ADGRV1: variants seen among roughly 807,000 people sequenced by gnomAD.
The protein encoded by ADGRV1 is adhesion G protein-coupled receptor V1, also known as G-protein coupled receptor 98.
ADGRV1 carries 359 observed loss-of-function variants against 596.2 expected under a neutral mutation model. That is an observed-to-expected ratio of 0.60 (90% confidence interval 0.55 to 0.66). The LOEUF (loss-of-function observed/expected upper bound fraction) is 0.66, where lower values mean the gene tolerates loss of function less well. Ranked by LOEUF, ADGRV1 falls within the 30% of genes least tolerant of loss-of-function variation. The pLI is 0.00. For missense variants in ADGRV1, 7,274 were observed against 7,575.6 expected (o/e 0.96, Z 1.48); for synonymous variants, 2,681 against 2,679.2 (o/e 1.00, Z -0.02).
At chr5:90,944,499 C>G (rs1002670381) in intron 83 of ADGRV1, among the ~76,000 whole-genome samples, 1 of 152,096 alleles carries the variant, frequency 6.6e-6, no homozygotes, top group African/African-American at 2.4e-5. Context: ...GTTGTATATT[C>G]TGATTAAGTA....
rs758044981 is a variant in ADGRV1, at chr5:90,658,281, A to G, written c.4752+3A>G. ...TCACAGGAGCTTGTATACCAGAGGT[A>G]AGTAGTGAGCTTGGAGAATTTTGGA... On this transcript the variant is annotated splice_donor_region_variant and intron_variant, in intron 21 of 89. Transcript: ENST00000405460. 8.7e-6 allele frequency: 13 copies of G among 1,491,778 alleles called. No homozygotes were observed. The highest frequency in any genetic ancestry group is 1.2e-5 in the Non-Finnish European group (13 of 1,121,200). 92.4% of individuals were successfully genotyped at this position (1,491,778 alleles called of 1,614,324 possible). A position where few individuals can be genotyped will look rare whatever the true frequency, so the allele number is the denominator to read the frequency against.
chr5:90,834,873 CTCT>C (rs1764830366), intron 77 of ADGRV1, among the ~76,000 whole-genome samples: 1 of 150,632 alleles, frequency 6.6e-6, no homozygotes. Context: ...TTCTTTCTTT[CTCT>C]TTCTTTCTTT....
intron 87 of ADGRV1, among the ~76,000 whole-genome samples, chr5:91,110,906 G>A (rs946148382): frequency 3.3e-5 from 5 of 152,114 alleles, no homozygotes; most frequent in Admixed American, 6.6e-5. Context: ...GTACATGTTC[G>A]TTTGTACAAG....
chr5:90,933,453 A>G (rs1168683892), intron 83 of ADGRV1, among the ~76,000 whole-genome samples: 1 of 152,158 alleles, frequency 6.6e-6, no homozygotes. Flanking sequence ...CAAAGCAAAT[A>G]TAGTCCTGAG....
At chr5:90,676,545 A>G (rs1214564091) in intron 25 of ADGRV1, among the ~76,000 whole-genome samples, 1 of 152,188 alleles carries the variant, frequency 6.6e-6, no homozygotes, top group African/African-American at 2.4e-5. Flanking sequence ...TGCTTTCGCT[A>G]TGAGGTTTGG....
intron 85 of ADGRV1, among the ~76,000 whole-genome samples, chr5:91,030,325 A>G (rs1271709708): frequency 6.6e-6 from 1 of 152,170 alleles, no homozygotes; most frequent in Non-Finnish European, 1.5e-5. Flanking sequence ...CAGGTTTATA[A>G]TGATTCTTTC....
Position 90,788,325 on chromosome 5 carries a change from A to G in ADGRV1, c.13893+15A>G, listed in dbSNP as rs757814184. 6.3e-7 allele frequency: 1 copy of G among 1,577,170 alleles called. No individual in the cohort carries two copies. Among genetic ancestry groups the G allele is most frequent in the Non-Finnish European group, 8.6e-7 (1 of 1,158,998 alleles). ...TTACATTAACCGTATGTATGGCTTTATTTTTCTCACAAAATGTGGATTTCA... is the reference window on the plus strand; with the variant it reads ...TTACATTAACCGTATGTATGGCTTTGTTTTTCTCACAAAATGTGGATTTCA... On this transcript the variant is annotated intron_variant, in intron 68 of 89. Coordinates refer to ENST00000405460, the MANE Select transcript of ADGRV1 (RefSeq NM_032119.4).
Position 90,645,975 on chromosome 5 carries a change from A to G in ADGRV1, c.2906A>G (p.Glu969Gly). The change falls in exon 16 of 90, where the codon GAA (glutamate) becomes GGA (glycine). Residue 969 changes from glutamate to glycine, a missense_variant. By Grantham distance (98) the Glu-to-Gly change is moderately conservative (BLOSUM62 -2). Around this residue, in one of 5 missense-constraint regions of ADGRV1, gnomAD observed 1,715 missense variants for 1,708.8 expected, o/e 1.00. Coordinates refer to ENST00000405460, the MANE Select transcript of ADGRV1 (RefSeq NM_032119.4). ...GTGTAACATTTTCCAAAGATTCCAG[A>G]AGAAATGGAAGAATTTACCGTTATC... ...TIYSLPDEIP[E>G]EMEEFTVILL... The G allele has an allele frequency of 6.3e-7, 1 of 1,587,144 alleles. No homozygotes were observed. Among genetic ancestry groups the G allele is most frequent in the East Asian group, 2.3e-5 (1 of 44,230 alleles).
chr5:90,795,277 C>T (rs1468139109), intron 70 of ADGRV1, among the ~76,000 whole-genome samples: 1 of 152,104 alleles, frequency 6.6e-6, no homozygotes, highest in Non-Finnish European at 1.5e-5. Context: ...AGCACAGCAG[C>T]AGTCTGAGAT....
intron 86 of ADGRV1, among the ~76,000 whole-genome samples, chr5:91,087,024 A>G (rs1290920703): frequency 1.3e-5 from 2 of 152,092 alleles, no homozygotes; most frequent in African/African-American, 4.8e-5. Context: ...TAATTTATGC[A>G]TTTGCTTTTT....
intron 26 of ADGRV1, among the ~76,000 whole-genome samples, chr5:90,679,879 C>A (rs745970869): frequency 9.9e-5 from 15 of 152,102 alleles, no homozygotes; most frequent in Non-Finnish European, 1.5e-4. Flanking sequence ...TTGTATGAAC[C>A]TAATGTAGTT....
At chr5:91,039,321 C>T (rs375634848) in intron 85 of ADGRV1, among the ~76,000 whole-genome samples, 2 of 152,164 alleles carry the variant, frequency 1.3e-5, no homozygotes, top group South Asian at 4.1e-4. Context: ...CCTTCGTTAT[C>T]GGTTAGGCTT....
Position 90,652,564 on chromosome 5 carries a change from G to A in ADGRV1, c.3634+1G>A. The A allele has an allele frequency of 6.4e-7, 1 of 1,568,066 alleles. No individual in the cohort carries two copies. ...TTCCTAAAACTTGTAAACATTTCAG[G>A]TACTGTGTTTTTCCATGTCTTATTT... On this transcript the variant is annotated splice_donor_variant, in intron 19 of 89. Coordinates refer to ENST00000405460, the MANE Select transcript of ADGRV1 (RefSeq NM_032119.4). LOFTEE classifies it high-confidence loss of function.
chr5:90,908,466 A>G (rs996624217), intron 83 of ADGRV1, among the ~76,000 whole-genome samples: 31 of 152,104 alleles, frequency 2.0e-4, no homozygotes, highest in African/African-American at 6.5e-4. Context: ...CATTCTTTCT[A>G]TTTCTATACC....
chr5:90,782,683 A>G (rs1279556145), intron 65 of ADGRV1, among the ~76,000 whole-genome samples: 3 of 152,206 alleles, frequency 2.0e-5, no homozygotes, highest in Non-Finnish European at 4.4e-5. Flanking sequence ...AAAAATTCAT[A>G]TGATATACAT....
chr5:90,568,462 AT>A (rs956605425), intron 1 of ADGRV1, among the ~76,000 whole-genome samples: 8 of 151,770 alleles, frequency 5.3e-5, no homozygotes, highest in African/African-American at 1.9e-4. Flanking sequence ...TCATTCTCTT[AT>A]GGTTGGAGAA....
chr5:90,875,443 G>T (rs532624841), intron 83 of ADGRV1, among the ~76,000 whole-genome samples: 1 of 152,044 alleles, frequency 6.6e-6, no homozygotes, highest in Non-Finnish European at 1.5e-5. Flanking sequence ...ACTTCTCTTC[G>T]TGTTAAAACA....
chr5:90,584,683 C>G (rs927543878), intron 1 of ADGRV1, among the ~76,000 whole-genome samples: 1 of 152,194 alleles, frequency 6.6e-6, no homozygotes, highest in African/African-American at 2.4e-5. Context: ...AGCATCATGA[C>G]TAGGTGTCCT....
chr5:90,845,397 C>T (rs1765781073), intron 78 of ADGRV1, among the ~76,000 whole-genome samples: 1 of 151,964 alleles, frequency 6.6e-6, no homozygotes, highest in South Asian at 2.1e-4. Flanking sequence ...GTTTTGTGTG[C>T]TTTACTAAAA....
Sources: gnomAD v4.1 joint callset for allele counts (sites outside exome capture counted in the v4.1 genomes callset) on GRCh38, gnomAD v4.1.1 for gene constraint, gnomAD v4.1.1 regional missense constraint, MANE v1.5 for transcripts, NCBI Gene and HGNC (gene_info 2026-07-23, HGNC 2026-07-21) for gene names.